Variants in KCNH8 observed in about 807,000 individuals in gnomAD.
The protein encoded by KCNH8 is potassium voltage-gated channel subfamily H member 8, also known as voltage-gated delayed rectifier potassium channel KCNH8.
KCNH8 carries 70 observed loss-of-function variants against 103.6 expected under a neutral mutation model. The ratio of observed to expected loss-of-function variants is 0.68; its 90% CI spans 0.56 to 0.82. The LOEUF (loss-of-function observed/expected upper bound fraction) is 0.82, where lower values mean the gene tolerates loss of function less well. KCNH8 is among the 40% of genes least tolerant of loss of function. The pLI is 0.00. For missense variants in KCNH8, 1,217 were observed against 1,329.9 expected (o/e 0.92, Z 1.32); for synonymous variants, 498 against 489.4 (o/e 1.02, Z -0.23).
intron 3 of KCNH8, among the ~76,000 whole-genome samples, chr3:19,286,304 A>G (rs1218251443): frequency 2.0e-5 from 3 of 152,216 alleles, no homozygotes; most frequent in Non-Finnish European, 4.4e-5. Context: ...AATTAAGTTA[A>G]AATGAAGTTG....
At chr3:19,502,455 G>A (rs928588207) in intron 11 of KCNH8, among the ~76,000 whole-genome samples, 34 of 152,080 alleles carry the variant, frequency 2.2e-4, no homozygotes, top group East Asian at 1.5e-3. Context: ...AAAAGAGCCC[G>A]CATCGCCAAG....
chr3:19,496,359 G>T lies in KCNH8; in HGVS notation c.2041-14004G>T, dbSNP rs117410353. 7.5e-3 allele frequency among the ~76,000 whole-genome samples: 1,148 copies of T among 152,186 alleles called. 13 individuals carry two copies. Among genetic ancestry groups the T allele is most frequent in the South Asian group, 0.02 (95 of 4,820 alleles). On this transcript the variant is annotated intron_variant, in intron 11 of 15. Transcript: ENST00000328405. ...TATAGATGGCTCTTATTATTTTAAAGTATATTCCTTCAATGACTAGTTTAT... is the reference window on the plus strand; with the variant it reads ...TATAGATGGCTCTTATTATTTTAAATTATATTCCTTCAATGACTAGTTTAT...
At chr3:19,480,285 A>T (rs1025421352) in intron 11 of KCNH8, among the ~76,000 whole-genome samples, 1 of 152,172 alleles carries the variant, frequency 6.6e-6, no homozygotes, top group African/African-American at 2.4e-5. Flanking sequence ...CTTGAGAGTA[A>T]GCTTCCTTCT....
intron 5 of KCNH8, among the ~76,000 whole-genome samples, chr3:19,363,726 C>T (rs1202225360): frequency 1.3e-5 from 2 of 152,062 alleles, no homozygotes; most frequent in Non-Finnish European, 2.9e-5. Flanking sequence ...TTCTAGGATT[C>T]TTGGATGTCT....
At chr3:19,236,969 G>A (rs1012912800) in intron 1 of KCNH8, among the ~76,000 whole-genome samples, 1 of 152,142 alleles carries the variant, frequency 6.6e-6, no homozygotes, top group Admixed American at 6.5e-5. Context: ...AAGTCACTTA[G>A]TTTATTTATA....
intron 1 of KCNH8, among the ~76,000 whole-genome samples, chr3:19,234,924 G>A (rs966377046): frequency 2.0e-5 from 3 of 152,266 alleles, no homozygotes; most frequent in African/African-American, 7.2e-5. Context: ...GAACTTCTGG[G>A]ATAGGCTCTG....
chr3:19,238,507 A>G (rs2064093217), intron 1 of KCNH8, among the ~76,000 whole-genome samples: 1 of 152,198 alleles, frequency 6.6e-6, no homozygotes, highest in Non-Finnish European at 1.5e-5. Context: ...CCTTTATGAG[A>G]ATTTATTTGC....
rs1046762293 is a variant in KCNH8 at position 19,420,982 on chromosome 3, C to T, written c.1178-17182C>T. ...GTGTGTGTGTGTGTACACATGCATA[C>T]GTGTGTTAAGAGAGAAGGAGGGAGA... On this transcript the variant is annotated intron_variant, in intron 7 of 15. Transcript: ENST00000328405. 4.0e-5 allele frequency among the ~76,000 whole-genome samples: 6 copies of T among 151,752 alleles called. No individual in the cohort carries two copies. The East Asian group carries it at 5.8e-4, about 15-fold the overall frequency.
At chr3:19,530,209 G>A (rs1334081412) in intron 15 of KCNH8, among the ~76,000 whole-genome samples, 1 of 152,166 alleles carries the variant, frequency 6.6e-6, no homozygotes, top group African/African-American at 2.4e-5. Flanking sequence ...AGTACAGTTA[G>A]ATTAAAGGAG....
chr3:19,233,247 A>C (rs1004667910), intron 1 of KCNH8, among the ~76,000 whole-genome samples: 4 of 152,112 alleles, frequency 2.6e-5, no homozygotes, highest in African/African-American at 9.7e-5. Flanking sequence ...AATCAGTGAA[A>C]AGTTTGTAGC....
intron 1 of KCNH8, among the ~76,000 whole-genome samples, chr3:19,224,559 CT>C (rs34526650): frequency 0.055 from 7,123 of 129,420 alleles, 275 homozygotes; most frequent in African/African-American, 0.11. Flanking sequence ...TTGTTTTGAA[CT>C]TTTTTTTTTT....
At chr3:19,391,281 A>G (rs958502792) in intron 6 of KCNH8, among the ~76,000 whole-genome samples, 1 of 152,064 alleles carries the variant, frequency 6.6e-6, no homozygotes, top group Non-Finnish European at 1.5e-5. Context: ...GTAGCCTCCC[A>G]GGACAGAAAG....
At chr3:19,385,540 GC>G (rs1443708239) in intron 5 of KCNH8, among the ~76,000 whole-genome samples, 1 of 152,022 alleles carries the variant, frequency 6.6e-6, no homozygotes, top group Non-Finnish European at 1.5e-5. Context: ...TTCTCACTGG[GC>G]CTACTGCTCT....
intron 7 of KCNH8, among the ~76,000 whole-genome samples, chr3:19,423,624 A>T (rs571785655): frequency 1.4e-5 from 2 of 140,148 alleles, no homozygotes; most frequent in African/African-American, 5.4e-5. Context: ...TGTGTGGTTA[A>T]GTAATATTCC....
At chr3:19,451,499 A>G in intron 10 of KCNH8, 95 bp downstream of exon 10, 1 of 1,116,926 alleles carries the variant, frequency 9.0e-7, no homozygotes, top group Non-Finnish European at 1.3e-6. Flanking sequence ...AGAGTAGGAA[A>G]AGAACAGATG....
intron 11 of KCNH8, among the ~76,000 whole-genome samples, chr3:19,504,125 A>C (rs1285630550): frequency 6.6e-6 from 1 of 152,158 alleles, no homozygotes; most frequent in East Asian, 1.9e-4. Flanking sequence ...GTTCTGGGAT[A>C]ACTGGCTAGC....
At chr3:19,170,785 CACACAT>C (rs1370433143) in intron 1 of KCNH8, among the ~76,000 whole-genome samples, 1 of 114,514 alleles carries the variant, frequency 8.7e-6, no homozygotes, top group Non-Finnish European at 1.8e-5. Context: ...CACACACACA[CACACAT>C]ATATATATAT....
intron 1 of KCNH8, among the ~76,000 whole-genome samples, chr3:19,166,534 T>C (rs187358565): frequency 1.6e-4 from 24 of 150,780 alleles, no homozygotes; most frequent in African/African-American, 6.0e-4. Flanking sequence ...TAGTCCAAAC[T>C]TCAAATATGT....
intron 3 of KCNH8, among the ~76,000 whole-genome samples, chr3:19,315,390 G>A (rs2065260402): frequency 6.6e-6 from 1 of 151,948 alleles, no homozygotes; most frequent in Non-Finnish European, 1.5e-5. Context: ...CTCTGTGATA[G>A]CTCTACAAAT....
Sources: allele counts gnomAD v4.1 joint callset (sites outside exome capture counted in the v4.1 genomes callset), GRCh38; gene constraint gnomAD v4.1.1; transcripts MANE v1.5; gene names NCBI Gene and HGNC (gene_info 2026-07-23, HGNC 2026-07-21).